The following JPH3 variants were observed in gnomAD, a reference collection of about 807,000 sequenced individuals.
The protein encoded by JPH3 is junctophilin 3.
Under a neutral mutation model 59.6 loss-of-function variants are expected in JPH3, and 11 were observed. That is an observed-to-expected ratio of 0.18 (90% confidence interval 0.12 to 0.31). The LOEUF is 0.31. JPH3 is among the 10% of genes least tolerant of loss of function. The pLI is 1.00. For missense variants in JPH3, 1,202 were observed against 1,105.7 expected (o/e 1.09, Z -1.24); for synonymous variants, 673 against 483.6 (o/e 1.39, Z -5.14).
At chr16:87,618,554 C>T (rs1383066010) in intron 1 of JPH3, among the ~76,000 whole-genome samples, 5 of 152,162 alleles carry the variant, frequency 3.3e-5, no homozygotes, top group South Asian at 2.1e-4. Flanking sequence ...TGACAGTGTT[C>T]GGCACTAACT....
chr16:87,652,010 T>C (rs2032339426), intron 2 of JPH3, among the ~76,000 whole-genome samples: 1 of 151,532 alleles, frequency 6.6e-6, no homozygotes, highest in Non-Finnish European at 1.5e-5. Flanking sequence ...AGTCTCGCTC[T>C]GTTGCCCAGG....
At chr16:87,604,081 A>C in intron 1 of JPH3, 1 of 985,254 alleles carries the variant, frequency 1.0e-6, no homozygotes, top group Non-Finnish European at 1.2e-6. Context: ...CAGGCAGTAC[A>C]CTTCTAGGTG....
At chr16:87,672,192 G>A (rs1425380085) in intron 2 of JPH3, among the ~76,000 whole-genome samples, 1 of 152,138 alleles carries the variant, frequency 6.6e-6, no homozygotes, top group African/African-American at 2.4e-5. Context: ...TAGGTGAGGG[G>A]AGGCGGCAGC....
intron 2 of JPH3, among the ~76,000 whole-genome samples, chr16:87,646,902 C>A (rs2032171795): frequency 6.6e-6 from 1 of 152,046 alleles, no homozygotes; most frequent in Non-Finnish European, 1.5e-5. Flanking sequence ...ACTGGGGGGA[C>A]CTGCGACCTG....
rs748900278 is a variant in JPH3, at chr16:87,604,322, T to C, written c.382+794T>C. 1.8e-5 allele frequency: 26 copies of C among 1,464,450 alleles called. No individual in the cohort carries two copies. In the Admixed American group the frequency reaches 5.4e-4, roughly 30 times the overall value. The allele number at this position is 1,464,450 out of a possible 1,614,324, so 90.7% of individuals were successfully genotyped here. A position where few individuals can be genotyped will look rare whatever the true frequency, so the allele number is the denominator to read the frequency against. Reference sequence around the variant, plus strand: ...CTGCTGCTGCTGCTGCTGCTGCTGCTGCTGCTGTAAGATGGTTTCTGTGCA... The same window carrying C: ...CTGCTGCTGCTGCTGCTGCTGCTGCCGCTGCTGTAAGATGGTTTCTGTGCA... On this transcript the variant is annotated intron_variant, in intron 1 of 4. Coordinates refer to ENST00000284262, the MANE Select transcript of JPH3 (RefSeq NM_020655.4).
At chr16:87,649,960 T>C (rs62053788) in intron 2 of JPH3, among the ~76,000 whole-genome samples, 19,825 of 152,258 alleles carry the variant, frequency 0.13, 1,461 homozygotes, top group Middle Eastern at 0.18. Context: ...GTGCAAACGT[T>C]GCTGTGAAGG....
chr16:87,694,866 C>A, intron 4 of JPH3: 1 of 187,186 alleles, frequency 5.3e-6, no homozygotes, highest in Non-Finnish European at 1.1e-5. Context: ...TGCCCAGCTT[C>A]TCACGCAGCA....
chr16:87,688,289 T>G (rs879802589), intron 3 of JPH3, among the ~76,000 whole-genome samples: 6 of 152,136 alleles, frequency 3.9e-5, no homozygotes, highest in Non-Finnish European at 7.4e-5. Flanking sequence ...GCCAGGGCCA[T>G]GGCCTCGCTC....
At chr16:87,664,695 A>T (rs1207805824) in intron 2 of JPH3, among the ~76,000 whole-genome samples, 1 of 152,216 alleles carries the variant, frequency 6.6e-6, no homozygotes, top group African/African-American at 2.4e-5. Flanking sequence ...CAGGAGCTCC[A>T]CGGTGAGCCA....
chr16:87,627,409 G>A (rs1032596016), intron 1 of JPH3, among the ~76,000 whole-genome samples: 20 of 152,328 alleles, frequency 1.3e-4, no homozygotes, highest in Non-Finnish European at 2.8e-4. Flanking sequence ...CATGCTCACA[G>A]GTTAGACCAC....
chr16:87,657,490 G>A (rs533876429), intron 2 of JPH3, among the ~76,000 whole-genome samples: 46 of 152,314 alleles, frequency 3.0e-4, no homozygotes, highest in South Asian at 1.7e-3. Context: ...GATGCACAGC[G>A]TTGAATGTAC....
chr16:87,654,584 G>C lies in JPH3; in HGVS notation c.1160+9549G>C, dbSNP rs370327000. On this transcript the variant is annotated intron_variant, in intron 2 of 4. Transcript: ENST00000284262. Reference sequence around the variant, plus strand: ...CAGGCACGACAATCTGCTAGACTCTGCTTCCCGGTGGCAGCTGGGGAATGG... The same window carrying C: ...CAGGCACGACAATCTGCTAGACTCTCCTTCCCGGTGGCAGCTGGGGAATGG... 21 of 152,406 alleles carry C rather than the reference G, an allele frequency of 1.4e-4. 1 individual carries two copies. In the East Asian group the frequency reaches 3.7e-3, roughly 27 times the overall value. 9.4% of individuals were successfully genotyped at this position (152,406 alleles called of 1,614,324 possible).
intron 4 of JPH3, chr16:87,693,725 A>C (rs1282503248): frequency 6.6e-6 from 1 of 152,302 alleles, no homozygotes; most frequent in Non-Finnish European, 1.5e-5. Flanking sequence ...TCCAATCCCC[A>C]GTGTGAGGTG....
At chr16:87,619,294 C>A (rs181021793) in intron 1 of JPH3, among the ~76,000 whole-genome samples, 431 of 141,558 alleles carry the variant, frequency 3.0e-3, no homozygotes, top group African/African-American at 0.011. Context: ...GCCTGGGTGA[C>A]AGAGCGAGAC....
chr16:87,691,094 C>T (rs534580241), intron 4 of JPH3, among the ~76,000 whole-genome samples: 1 of 151,144 alleles, frequency 6.6e-6, no homozygotes, highest in Non-Finnish European at 1.5e-5. Context: ...GCACCCCCCC[C>T]CCAAATTCGT....
chr16:87,671,355 C>T lies in JPH3; in HGVS notation c.1161-12787C>T, dbSNP rs754239008. On this transcript the variant is annotated intron_variant, in intron 2 of 4. Coordinates refer to ENST00000284262, the MANE Select transcript of JPH3 (RefSeq NM_020655.4). ...CTGCCCTCTGACCCGTCAGGGGCCC[C>T]GAGGGCCTGGTTGGTCAGGGCTGGG... 4.6e-5 allele frequency among the ~76,000 whole-genome samples: 7 copies of T among 152,170 alleles called. No homozygotes were observed. The South Asian group carries it at 6.2e-4, about 13-fold the overall frequency.
intron 1 of JPH3, among the ~76,000 whole-genome samples, chr16:87,629,418 G>A (rs2031489041): frequency 6.9e-6 from 1 of 145,234 alleles, no homozygotes; most frequent in Admixed American, 6.9e-5. Flanking sequence ...TCCCATCTTT[G>A]TGGGTTTTTT....
chr16:87,678,186 A>G (rs1211109767), intron 2 of JPH3, among the ~76,000 whole-genome samples: 2 of 152,170 alleles, frequency 1.3e-5, no homozygotes, highest in Non-Finnish European at 2.9e-5. Context: ...GACTGTGGTG[A>G]GCAGTGATTG....
intron 1 of JPH3, among the ~76,000 whole-genome samples, chr16:87,643,785 T>C (rs1224152802): frequency 1.3e-5 from 2 of 152,150 alleles, no homozygotes; most frequent in South Asian, 2.1e-4. Context: ...CCACTGGTGA[T>C]AGAAGTTGTA....
Sources: gnomAD v4.1 joint callset for allele counts (sites outside exome capture counted in the v4.1 genomes callset) on GRCh38, gnomAD v4.1.1 for gene constraint, MANE v1.5 for transcripts, NCBI Gene and HGNC (gene_info 2026-07-23, HGNC 2026-07-21) for gene names.